The following MACROD1 variants were observed in gnomAD, a reference collection of about 807,000 sequenced individuals.
MACROD1 encodes the protein mono-ADP ribosylhydrolase 1.
Under a neutral mutation model 41.4 loss-of-function variants are expected in MACROD1, and 31 were observed. The ratio of observed to expected loss-of-function variants is 0.75; its 90% CI spans 0.56 to 1.01. MACROD1 has a LOEUF of 1.01. MACROD1 is among the 50% of genes least tolerant of loss of function. MACROD1 has a pLI of 0.00. For missense variants in MACROD1, 473 were observed against 460.0 expected, an observed-to-expected ratio of 1.03 and a Z score of -0.26; for synonymous variants, 252 against 203.4, an observed-to-expected ratio of 1.24 and a Z score of -2.03.
chr11:64,071,164 C>A (rs1944101608), intron 3 of MACROD1, among the ~76,000 whole-genome samples: 1 of 152,056 alleles, frequency 6.6e-6, no homozygotes, highest in African/African-American at 2.4e-5. Flanking sequence ...CTCAAAATAA[C>A]CTCCTCTAAG....
intron 3 of MACROD1, among the ~76,000 whole-genome samples, chr11:64,015,583 G>A (rs556859409): frequency 1.3e-5 from 2 of 152,216 alleles, no homozygotes; most frequent in South Asian, 2.1e-4. Flanking sequence ...CCCCCGCCAC[G>A]GCCCTTTCAT....
At chr11:64,106,937 A>C (rs910868314) in intron 3 of MACROD1, among the ~76,000 whole-genome samples, 1 of 151,900 alleles carries the variant, frequency 6.6e-6, no homozygotes, top group Non-Finnish European at 1.5e-5. Flanking sequence ...GCTGGAGTGC[A>C]GTGGCACGAT....
intron 3 of MACROD1, among the ~76,000 whole-genome samples, chr11:64,054,307 G>A (rs1943744833): frequency 6.6e-6 from 1 of 152,204 alleles, no homozygotes; most frequent in Non-Finnish European, 1.5e-5. Flanking sequence ...AGGAAGAACT[G>A]CCTGACAACG....
chr11:64,066,247 A>T (rs1281104716), intron 3 of MACROD1, among the ~76,000 whole-genome samples: 2 of 147,990 alleles, frequency 1.4e-5, no homozygotes, highest in Non-Finnish European at 3.0e-5. Context: ...CAGTGAGCCA[A>T]GATTGTACCA....
intron 3 of MACROD1, among the ~76,000 whole-genome samples, chr11:64,024,291 C>A (rs186169582): frequency 1.3e-5 from 2 of 152,354 alleles, no homozygotes; most frequent in Non-Finnish European, 2.9e-5. Context: ...CAAATAAGTT[C>A]TCCGTGCTTT....
rs371369722 is a variant in MACROD1 at position 64,027,706 on chromosome 11, C to T, written c.518-12425G>A. On this transcript the variant is annotated intron_variant, in intron 3 of 10. Coordinates refer to ENST00000255681, the MANE Select transcript of MACROD1 (RefSeq NM_014067.4). The stretch of plus-strand genomic sequence containing the variant: ...TAGCCTCCCCCTGGCCCCCAGTGAC[C>T]GCTTTGAACACTTCCCCAGACGCTG... Among the ~76,000 whole-genome samples, 18 of 152,214 alleles carry T rather than the reference C, an allele frequency of 1.2e-4. No individual in the cohort carries two copies. In the South Asian group the frequency reaches 3.3e-3, roughly 28 times the overall value.
At chr11:64,105,169 T>G in intron 3 of MACROD1, among the ~76,000 whole-genome samples, 1 of 152,208 alleles carries the variant, frequency 6.6e-6, no homozygotes, top group East Asian at 1.9e-4. Flanking sequence ...ATTATAAAAG[T>G]GCGCCAGCCC....
At chr11:64,143,801 C>CACACACACACACACACACACAA (rs762084927) in intron 3 of MACROD1, among the ~76,000 whole-genome samples, 4 of 144,854 alleles carry the variant, frequency 2.8e-5, no homozygotes, top group Admixed American at 6.9e-5. Context: ...CACACACACA[C>CACACACACACACACACACACAA]AATTTCCTGG....
chr11:64,079,836 C>A (rs1944273227), intron 3 of MACROD1, among the ~76,000 whole-genome samples: 1 of 152,062 alleles, frequency 6.6e-6, no homozygotes, highest in Non-Finnish European at 1.5e-5. Flanking sequence ...CAGGAAGGAG[C>A]CACAGGGAGC....
At chr11:64,099,511 T>C (rs1407418116) in intron 3 of MACROD1, among the ~76,000 whole-genome samples, 2 of 151,654 alleles carry the variant, frequency 1.3e-5, no homozygotes, top group Non-Finnish European at 2.9e-5. Flanking sequence ...GACAGACGGA[T>C]AGATGGAGAA....
At chr11:64,080,668 A>G (rs77387447) in intron 3 of MACROD1, among the ~76,000 whole-genome samples, 2,304 of 152,242 alleles carry the variant, frequency 0.015, 100 homozygotes, top group East Asian at 0.12. Flanking sequence ...TGCATCCACT[A>G]CACAGACCTC....
intron 3 of MACROD1, among the ~76,000 whole-genome samples, chr11:64,134,455 T>C (rs1432828861): frequency 6.6e-6 from 1 of 152,114 alleles, no homozygotes; most frequent in Non-Finnish European, 1.5e-5. Context: ...AGACTGGAAG[T>C]TGAACCCACA....
chr11:64,025,465 A>G (rs935498449), intron 3 of MACROD1, among the ~76,000 whole-genome samples: 2 of 152,044 alleles, frequency 1.3e-5, no homozygotes, highest in African/African-American at 4.8e-5. Context: ...AGCCTTTTCC[A>G]TGCATTTCCT....
intron 3 of MACROD1, among the ~76,000 whole-genome samples, chr11:64,029,534 C>A (rs1055810930): frequency 6.6e-6 from 1 of 152,170 alleles, no homozygotes; most frequent in Non-Finnish European, 1.5e-5. Context: ...TCCCCTTCCT[C>A]ACTGTCCCGG....
intron 3 of MACROD1, chr11:64,118,659 C>T: frequency 5.1e-6 from 1 of 195,758 alleles, no homozygotes; most frequent in Non-Finnish European, 1.2e-5. Flanking sequence ...ACACCTCATG[C>T]TCTGTTCAAG....
At chr11:64,034,202 C>G (rs1033262353) in intron 3 of MACROD1, among the ~76,000 whole-genome samples, 1 of 152,156 alleles carries the variant, frequency 6.6e-6, no homozygotes, top group Non-Finnish European at 1.5e-5. Context: ...AATGACAGAG[C>G]CCCAGGGCCA....
intron 3 of MACROD1, among the ~76,000 whole-genome samples, chr11:64,085,803 G>A (rs1052087007): frequency 7.9e-5 from 12 of 152,336 alleles, no homozygotes; most frequent in Non-Finnish European, 1.3e-4. Flanking sequence ...CCTCAGCTGG[G>A]CAAGTCGGGG....
chr11:64,118,406 C>A, intron 3 of MACROD1: 1 of 1,299,480 alleles, frequency 7.7e-7, no homozygotes, highest in Non-Finnish European at 1.0e-6. Flanking sequence ...CCATGGGTGA[C>A]TTTCCTCCGC....
chr11:64,124,381 G>T (rs189954180), intron 3 of MACROD1, among the ~76,000 whole-genome samples: 2 of 152,192 alleles, frequency 1.3e-5, no homozygotes, highest in Non-Finnish European at 2.9e-5. Flanking sequence ...ATCCATCACC[G>T]CCGGTGGATG....
Sources: gnomAD v4.1 joint callset for allele counts (sites outside exome capture counted in the v4.1 genomes callset) on GRCh38, gnomAD v4.1.1 for gene constraint, MANE v1.5 for transcripts, NCBI Gene and HGNC (gene_info 2026-07-23, HGNC 2026-07-21) for gene names.